The following TP63 variants were observed in gnomAD, a reference collection of about 807,000 sequenced individuals.
TP63 encodes tumor protein 63.
A neutral mutation model predicts 82.8 loss-of-function variants in TP63; 17 were observed. That is an observed-to-expected ratio of 0.21 (90% confidence interval 0.14 to 0.31). The LOEUF is 0.31. Among genes scored for constraint, TP63 ranks in the 10% least tolerant of loss-of-function variants. The pLI, the probability that TP63 is intolerant of heterozygous loss-of-function variation, is 1.00. For missense variants in TP63, 648 were observed against 895.3 expected, an observed-to-expected ratio of 0.72 and a Z score of 3.52; for synonymous variants, 330 against 321.7, an observed-to-expected ratio of 1.03 and a Z score of -0.28.
intron 4 of TP63, among the ~76,000 whole-genome samples, chr3:189,814,236 A>C (rs914364141): frequency 1.3e-5 from 2 of 152,220 alleles, no homozygotes; most frequent in Non-Finnish European, 2.9e-5. Context: ...GGCCCTCTGG[A>C]ATTTAGAGAC....
At chr3:189,848,706 G>T (rs1428907469) in intron 4 of TP63, among the ~76,000 whole-genome samples, 1 of 152,126 alleles carries the variant, frequency 6.6e-6, no homozygotes, top group African/African-American at 2.4e-5. Flanking sequence ...TAGAACTAAG[G>T]AAATCTGAGT....
chr3:189,752,942 A>C (rs2108525028), intron 3 of TP63, among the ~76,000 whole-genome samples: 1 of 152,232 alleles, frequency 6.6e-6, no homozygotes. Context: ...TTAATTGCTA[A>C]GTTGGACATT....
At chr3:189,889,796 G>A (rs1284889006) in intron 12 of TP63, among the ~76,000 whole-genome samples, 1 of 152,132 alleles carries the variant, frequency 6.6e-6, no homozygotes, top group East Asian at 1.9e-4. Flanking sequence ...CCCTCAAGTT[G>A]GTGCTCAGGG....
At chr3:189,698,195 A>G (rs1212305576) in intron 1 of TP63, among the ~76,000 whole-genome samples, 2 of 152,042 alleles carry the variant, frequency 1.3e-5, no homozygotes, top group Non-Finnish European at 2.9e-5. Context: ...CAAGTTGAGG[A>G]ATTTCTCCTA....
chr3:189,862,492 C>G (rs917187440), intron 4 of TP63, among the ~76,000 whole-genome samples: 1 of 152,152 alleles, frequency 6.6e-6, no homozygotes, highest in African/African-American at 2.4e-5. Flanking sequence ...AACTTCTACG[C>G]TGAACACTTA....
At chr3:189,706,707 A>G (rs973910020) in intron 1 of TP63, among the ~76,000 whole-genome samples, 7 of 152,150 alleles carry the variant, frequency 4.6e-5, no homozygotes, top group African/African-American at 1.4e-4. Flanking sequence ...AATTTGCTAT[A>G]TCCTATGTAT....
At chr3:189,848,438 C>G (rs1715218648) in intron 4 of TP63, among the ~76,000 whole-genome samples, 1 of 151,380 alleles carries the variant, frequency 6.6e-6, no homozygotes, top group Non-Finnish European at 1.5e-5. Context: ...AGACTGGTCT[C>G]AAATTCTTGG....
At chr3:189,815,929 A>T (rs1322450009) in intron 4 of TP63, among the ~76,000 whole-genome samples, 1 of 152,180 alleles carries the variant, frequency 6.6e-6, no homozygotes, top group African/African-American at 2.4e-5. Flanking sequence ...CTTACAGCAA[A>T]TGACCTTTCT....
chr3:189,626,424 G>C (rs1465169613), upstream of TP63, among the ~76,000 whole-genome samples: 1 of 152,166 alleles, frequency 6.6e-6, no homozygotes, highest in Non-Finnish European at 1.5e-5. Flanking sequence ...AGGATGACCT[G>C]GAAAGGCTAG....
intron 4 of TP63, among the ~76,000 whole-genome samples, chr3:189,860,530 T>G (rs1716895960): frequency 6.6e-6 from 1 of 152,182 alleles, no homozygotes; most frequent in African/African-American, 2.4e-5. Flanking sequence ...AGCAGAGATT[T>G]GGCTTTGTAA....
At chr3:189,712,039 A>G (rs775931753) in intron 1 of TP63, among the ~76,000 whole-genome samples, 9 of 152,218 alleles carry the variant, frequency 5.9e-5, no homozygotes, top group Non-Finnish European at 1.2e-4. Context: ...TCTTCTGGAA[A>G]GTTTCAGGAC....
chr3:189,742,799 A>C (rs1400888707), intron 3 of TP63, among the ~76,000 whole-genome samples: 1 of 152,216 alleles, frequency 6.6e-6, no homozygotes, highest in African/African-American at 2.4e-5. Flanking sequence ...ATCTATGAAA[A>C]GTAGTTAGAT....
At chr3:189,709,897 G>C (rs1325856374) in intron 1 of TP63, among the ~76,000 whole-genome samples, 1 of 152,020 alleles carries the variant, frequency 6.6e-6, no homozygotes, top group Non-Finnish European at 1.5e-5. Flanking sequence ...TCCATAAGAT[G>C]GACATGCATT....
chr3:189,874,981 C>CTTT (rs200117233), intron 10 of TP63, among the ~76,000 whole-genome samples: 1 of 114,258 alleles, frequency 8.8e-6, no homozygotes, highest in African/African-American at 3.4e-5. Flanking sequence ...TCTTTCCTGT[C>CTTT]TTTTTTTTTT....
intron 7 of TP63, 70 bp from the exon 8 acceptor site, chr3:189,868,510 G>A: frequency 6.3e-7 from 1 of 1,592,792 alleles, no homozygotes. Context: ...AAGTGGAAGT[G>A]GTAGATCTTC....
intron 4 of TP63, among the ~76,000 whole-genome samples, chr3:189,833,631 A>G (rs7616437): frequency 0.18 from 28,055 of 151,904 alleles, 2,683 homozygotes; most frequent in Middle Eastern, 0.24. Flanking sequence ...GAAGCAGATC[A>G]CACTGAAAGA....
intron 3 of TP63, among the ~76,000 whole-genome samples, chr3:189,787,382 A>G (rs1724694240): frequency 1.3e-5 from 2 of 152,118 alleles, no homozygotes; most frequent in African/African-American, 4.8e-5. Flanking sequence ...CTGAATCCAG[A>G]GTGGTTAAGT....
the TP63 span, among the ~76,000 whole-genome samples, chr3:189,608,212 ACTC>A: frequency 1.3e-5 from 2 of 151,710 alleles, no homozygotes; most frequent in Non-Finnish European, 2.9e-5. Context: ...ACTCTTGAAA[ACTC>A]CTTGGAAATC....
intron 3 of TP63, among the ~76,000 whole-genome samples, chr3:189,740,246 A>G (rs1388655539): frequency 6.6e-6 from 1 of 152,202 alleles, no homozygotes; most frequent in Non-Finnish European, 1.5e-5. Flanking sequence ...CTATATCATA[A>G]TTCAACATAA....
Sources: gnomAD v4.1 joint callset for allele counts (sites outside exome capture counted in the v4.1 genomes callset) on GRCh38, gnomAD v4.1.1 for gene constraint, MANE v1.5 for transcripts, NCBI Gene and HGNC (gene_info 2026-07-23, HGNC 2026-07-21) for gene names.